Variants in PCLAF observed in about 807,000 individuals in gnomAD.
PCLAF encodes PCNA clamp associated factor.
A neutral mutation model predicts 15.1 loss-of-function variants in PCLAF; 12 were observed. That is an observed-to-expected ratio of 0.79 (90% CI 0.51 to 1.29). The LOEUF is 1.29. Ranked by LOEUF, PCLAF falls within the 50% of genes most tolerant of loss-of-function variation. The pLI is 0.00. For synonymous variants in PCLAF, 33 were observed against 47.1 expected, an observed-to-expected ratio of 0.70 and a Z score of 1.22; for missense variants, 116 against 130.9, an observed-to-expected ratio of 0.89 and a Z score of 0.56.
chr15:64,380,946 G>A lies in PCLAF; in HGVS notation c.127+12C>T, dbSNP rs779357833. ...AGGACTGATCCCCTAACTTTAGGAG[G>A]GCTCTTCTTACCTTTCCTCGATGAA... On this transcript the variant is annotated intron_variant, in intron 2 of 3. Transcript: ENST00000300035. The A allele has an allele frequency of 2.0e-5, 32 of 1,612,302 alleles. No homozygotes were observed. In the South Asian group the frequency reaches 2.9e-4, roughly 14 times the overall value.
At chr15:64,381,690 G>A (rs573649374), upstream of PCLAF, among the ~76,000 whole-genome samples, 2 of 152,320 alleles carry the variant, frequency 1.3e-5, no homozygotes, top group East Asian at 1.9e-4. Context: ...TGGGTGCTAA[G>A]TTTCTGAACT....
At chr15:64,381,584 CT>C, upstream of PCLAF, 1 of 1,384,362 alleles carries the variant, frequency 7.2e-7, no homozygotes, top group Non-Finnish European at 9.5e-7. Context: ...GGCGAGGCTT[CT>C]TGCAGCGCGA....
chr15:64,377,148 T>G (rs1899626382), intron 2 of PCLAF, among the ~76,000 whole-genome samples: 1 of 151,884 alleles, frequency 6.6e-6, no homozygotes, highest in Non-Finnish European at 1.5e-5. Flanking sequence ...AAAAATATTT[T>G]TATATTTTGT....
intron 3 of PCLAF, among the ~76,000 whole-genome samples, chr15:64,374,797 C>T (rs1302169776): frequency 1.4e-5 from 2 of 140,982 alleles, no homozygotes; most frequent in Non-Finnish European, 3.0e-5. Context: ...AGTGAGCGAA[C>T]ATTGGGCCAC....
At chr15:64,377,741 C>A in intron 2 of PCLAF, among the ~76,000 whole-genome samples, 2 of 131,724 alleles carry the variant, frequency 1.5e-5, no homozygotes, top group Admixed American at 8.9e-5. Flanking sequence ...AAGTCCAATT[C>A]CTGGTGTTTT....
chr15:64,378,729 G>T (rs570091851), intron 2 of PCLAF, among the ~76,000 whole-genome samples: 2 of 152,224 alleles, frequency 1.3e-5, no homozygotes, highest in East Asian at 1.9e-4. Flanking sequence ...TGGCCAACAT[G>T]GTGAAACCCT....
chr15:64,376,001 T>C (rs1014845315), intron 3 of PCLAF, among the ~76,000 whole-genome samples: 24 of 152,136 alleles, frequency 1.6e-4, no homozygotes, highest in African/African-American at 5.5e-4. Context: ...CTAAGGTGGG[T>C]AGATCACAAA....
exon 1 of PCLAF, chr15:64,387,586 A>G: frequency 7.3e-7 from 1 of 1,374,484 alleles, no homozygotes; most frequent in Non-Finnish European, 9.4e-7. Context: ...CTGTCTTCTT[A>G]GCAGAATTGC....
intron 3 of PCLAF, among the ~76,000 whole-genome samples, chr15:64,367,789 C>G (rs962042418): frequency 4.6e-5 from 7 of 151,856 alleles, no homozygotes; most frequent in Non-Finnish European, 1.0e-4. Context: ...ACTTCATAAT[C>G]CGCCTGCCTT....
chr15:64,364,871 G>A lies in PCLAF; in HGVS notation c.*1159C>T, dbSNP rs1467157997. On this transcript the variant is annotated 3_prime_UTR_variant, in exon 4 of 4. Transcript: ENST00000300035. ...CTGGCTCATTTTTTCATTTTTAGTA[G>A]TGACAGTTTCACCATGCTGGCCAGG... The A allele has an allele frequency of 6.6e-6, 1 of 151,206 alleles. No individual in the cohort carries two copies. The highest frequency in any genetic ancestry group is 2.4e-5 in the African/African-American group (1 of 41,104). The allele number at this position is 151,206 out of a possible 1,614,324, so 9.4% of individuals were successfully genotyped here.
chr15:64,373,607 C>T, intron 3 of PCLAF: 17 of 1,471,986 alleles, frequency 1.2e-5, no homozygotes, highest in Non-Finnish European at 1.4e-5. Context: ...TTCCGGCATA[C>T]TGGTTAAAGG....
At chr15:64,370,522 C>G (rs1899245730) in intron 3 of PCLAF, among the ~76,000 whole-genome samples, 6 of 151,964 alleles carry the variant, frequency 3.9e-5, no homozygotes, top group Admixed American at 3.3e-4. Flanking sequence ...CACCTGCCAC[C>G]AAGCCCAGCT....
chr15:64,368,637 A>G (rs914649523), intron 3 of PCLAF, among the ~76,000 whole-genome samples: 4 of 152,148 alleles, frequency 2.6e-5, no homozygotes, highest in Admixed American at 6.6e-5. Context: ...AAACTCATTT[A>G]TTATTTCAAT....
intron 3 of PCLAF, among the ~76,000 whole-genome samples, chr15:64,376,085 C>T (rs533227470): frequency 3.3e-4 from 50 of 152,114 alleles, no homozygotes; most frequent in African/African-American, 1.2e-3. Flanking sequence ...ATTAGCTGGG[C>T]GTGGTGGCGT....
At chr15:64,367,585 G>A (rs1484886280) in intron 3 of PCLAF, among the ~76,000 whole-genome samples, 2 of 151,564 alleles carry the variant, frequency 1.3e-5, no homozygotes, top group Admixed American at 1.3e-4. Flanking sequence ...GTCTCGCTCT[G>A]TCGCCAGGCT....
In PCLAF at chr15:64,380,948, C is replaced by T. The variant is rs201688731; in HGVS notation, c.127+10G>A. 1 of 1,613,024 alleles carries T rather than the reference C, an allele frequency of 6.2e-7. No individual in the cohort carries two copies. Among genetic ancestry groups the T allele is most frequent in the East Asian group, 2.2e-5 (1 of 44,870 alleles). The stretch of plus-strand genomic sequence containing the variant: ...GACTGATCCCCTAACTTTAGGAGGG[C>T]TCTTCTTACCTTTCCTCGATGAAAC... On this transcript the variant is annotated intron_variant, in intron 2 of 3. Coordinates refer to ENST00000300035, the MANE Select transcript of PCLAF (RefSeq NM_014736.6).
At chr15:64,368,417 T>C (rs1378241738) in intron 3 of PCLAF, among the ~76,000 whole-genome samples, 1 of 152,182 alleles carries the variant, frequency 6.6e-6, no homozygotes, top group Admixed American at 6.5e-5. Context: ...AATTAACAAA[T>C]GAACATTATC....
At chr15:64,377,484 AAAAAATATATATATATAT>A (rs1899641968) in intron 2 of PCLAF, among the ~76,000 whole-genome samples, 2 of 41,552 alleles carry the variant, frequency 4.8e-5, no homozygotes, top group South Asian at 1.6e-3. Context: ...AAAAAAAAAA[AAAAAATATATATATATAT>A]ATATATATAT....
At chr15:64,369,160 A>G (rs2140519257) in intron 3 of PCLAF, among the ~76,000 whole-genome samples, 1 of 152,134 alleles carries the variant, frequency 6.6e-6, no homozygotes, top group African/African-American at 2.4e-5. Flanking sequence ...CCAGGAGTTC[A>G]AGACCAGCCT....
Sources: gnomAD v4.1 joint callset for allele counts (sites outside exome capture counted in the v4.1 genomes callset) on GRCh38, gnomAD v4.1.1 for gene constraint, MANE v1.5 for transcripts, NCBI Gene and HGNC (gene_info 2026-07-23, HGNC 2026-07-21) for gene names.